NBAS: variants seen among roughly 807,000 people sequenced by gnomAD.
NBAS encodes the protein NBAS subunit of NRZ tethering complex, also known as NAG/BC035112 fusion.
A neutral mutation model predicts 302.5 loss-of-function variants in NBAS; 219 were observed. The observed-to-expected ratio is 0.72, with a 90% CI of 0.65 to 0.81. The LOEUF is 0.81. Ranked by LOEUF, NBAS falls within the 30% of genes least tolerant of loss-of-function variation. The pLI is 0.00. For synonymous variants in NBAS, 1,118 were observed against 1,021.6 expected, an observed-to-expected ratio of 1.09 and a Z score of -1.80; for missense variants, 2,932 against 2,841.6, an observed-to-expected ratio of 1.03 and a Z score of -0.72.
At chr2:15,011,194 G>A in the NBAS span, among the ~76,000 whole-genome samples, 1 of 152,046 alleles carries the variant, frequency 6.6e-6, no homozygotes, top group Non-Finnish European at 1.5e-5. Flanking sequence ...GTTTAGGGTA[G>A]ATAGGATGGG....
chr2:15,113,252 T>C, the NBAS span, among the ~76,000 whole-genome samples: 1 of 151,710 alleles, frequency 6.6e-6, no homozygotes, highest in South Asian at 2.1e-4. Context: ...ATATATAATA[T>C]AAATATGGTT....
the NBAS span, among the ~76,000 whole-genome samples, chr2:15,025,987 C>T: frequency 6.6e-6 from 1 of 152,130 alleles, no homozygotes; most frequent in Non-Finnish European, 1.5e-5. Flanking sequence ...CTGGCCAGGA[C>T]TTGTAATACC....
In NBAS at chr2:15,277,151, A is replaced by C. The variant is rs572177781; in HGVS notation, c.5139-50T>G. On this transcript the variant is annotated intron_variant, in intron 42 of 51. Transcript: ENST00000281513. The stretch of plus-strand genomic sequence containing the variant: ...GTGTTAAGATTTTGTTCCTTTATTA[A>C]AGTGATTTTTTTTTTAACCAAGGAA... 3.2e-6 allele frequency: 5 copies of C among 1,545,780 alleles called. No homozygotes were observed. In the African/African-American group the frequency reaches 1.1e-4, roughly 35 times the overall value.
At chr2:15,477,487 C>T (rs1374719397) in intron 13 of NBAS, among the ~76,000 whole-genome samples, 1 of 152,138 alleles carries the variant, frequency 6.6e-6, no homozygotes, top group Non-Finnish European at 1.5e-5. Context: ...TCTTGAACTC[C>T]CGACCTCGGG....
At chr2:15,072,410 T>G in the NBAS span, among the ~76,000 whole-genome samples, 1 of 152,226 alleles carries the variant, frequency 6.6e-6, no homozygotes, top group Non-Finnish European at 1.5e-5. Flanking sequence ...AGTACATGAC[T>G]CCTTTACCAT....
chr2:15,379,260 G>A (rs1208058317), intron 30 of NBAS, among the ~76,000 whole-genome samples: 1 of 151,002 alleles, frequency 6.6e-6, no homozygotes, highest in Non-Finnish European at 1.5e-5. Context: ...CAAAGTGAAA[G>A]CTACATGAAC....
At chr2:15,284,669 C>G (rs1669963628) in intron 42 of NBAS, among the ~76,000 whole-genome samples, 1 of 152,232 alleles carries the variant, frequency 6.6e-6, no homozygotes, top group Admixed American at 6.5e-5. Context: ...CCCAGTGGCA[C>G]TCACTCAATA....
chr2:15,099,910 GAC>G, the NBAS span, among the ~76,000 whole-genome samples: 1 of 152,188 alleles, frequency 6.6e-6, no homozygotes, highest in African/African-American at 2.4e-5. Flanking sequence ...ACATTTGAAA[GAC>G]ACACACAAAA....
downstream of NBAS, among the ~76,000 whole-genome samples, chr2:15,166,308 G>A (rs181776883): frequency 5.8e-4 from 88 of 152,288 alleles, no homozygotes; most frequent in African/African-American, 2.0e-3. Flanking sequence ...ACCTGCCTAT[G>A]TACGTTTATG....
chr2:15,474,001 A>T, intron 15 of NBAS, 66 bp downstream of exon 15: 2 of 1,594,114 alleles, frequency 1.3e-6, no homozygotes, highest in Non-Finnish European at 1.7e-6. Context: ...TAAAAAATTA[A>T]CTTTTTCTCA....
At chr2:15,391,091 C>G (rs187026846) in intron 28 of NBAS, among the ~76,000 whole-genome samples, 2 of 149,872 alleles carry the variant, frequency 1.3e-5, no homozygotes, top group Non-Finnish European at 3.0e-5. Context: ...GCCTGGGCGA[C>G]AGAGCAAGAT....
At chr2:15,064,031 G>A in the NBAS span, among the ~76,000 whole-genome samples, 1 of 152,234 alleles carries the variant, frequency 6.6e-6, no homozygotes, top group South Asian at 2.1e-4. Flanking sequence ...TTCTGTATAC[G>A]TCTTGCTAGG....
Position 15,488,916 on chromosome 2 carries a change from C to T in NBAS, c.1061G>A (p.Gly354Glu). 6.2e-7 allele frequency: 1 copy of T among 1,613,816 alleles called. No homozygotes were observed. Among genetic ancestry groups the T allele is most frequent in the Middle Eastern group, 1.6e-4 (1 of 6,062 alleles). ...IWAIPSLKQQ[G>E]EWGQNEQPGY... The stretch of plus-strand genomic sequence containing the variant: ...CACCTGCTCATTTTGACCCCATTCC[C>T]CTTGTTGCTTCAGAGATGGAATCGC... The change falls in exon 12 of 52, where the codon GGG becomes GAG. Residue 354 changes from glycine to glutamate, a missense_variant. By Grantham distance (98) the Gly-to-Glu change is moderately conservative. Coordinates refer to ENST00000281513, the MANE Select transcript of NBAS (RefSeq NM_015909.4).
At chr2:15,392,398 T>C (rs1222069073) in intron 28 of NBAS, among the ~76,000 whole-genome samples, 1 of 151,794 alleles carries the variant, frequency 6.6e-6, no homozygotes, top group Non-Finnish European at 1.5e-5. Context: ...GAAAAACTAT[T>C]AGAGCTAATA....
chr2:15,550,024 C>T lies in NBAS; in HGVS notation c.379+1469G>A, dbSNP rs140421644. Among the ~76,000 whole-genome samples, 779 of 152,130 alleles carry T rather than the reference C, an allele frequency of 5.1e-3. 2 individuals are homozygous for T. The highest frequency in any genetic ancestry group is 0.017 in the African/African-American group (691 of 41,506). Reference sequence around the variant, plus strand: ...TTAAAATAATAAAAAGTTAGCCAGGCATGCTGGTGCATGCCTGTGGTCCCA... The same window carrying T: ...TTAAAATAATAAAAAGTTAGCCAGGTATGCTGGTGCATGCCTGTGGTCCCA... On this transcript the variant is annotated intron_variant, in intron 6 of 51. Transcript: ENST00000281513.
the NBAS span, among the ~76,000 whole-genome samples, chr2:14,976,309 A>G: frequency 4.6e-5 from 7 of 152,158 alleles, no homozygotes; most frequent in African/African-American, 1.7e-4. Context: ...TTTGCAGGCC[A>G]TGGTACCATA....
At chr2:15,303,314 A>G (rs1011712967) in intron 40 of NBAS, among the ~76,000 whole-genome samples, 1 of 152,220 alleles carries the variant, frequency 6.6e-6, no homozygotes, top group Non-Finnish European at 1.5e-5. Context: ...GGAGAAAGGA[A>G]TAAAAACCCA....
chr2:15,529,883 T>A (rs1275732828), intron 9 of NBAS, among the ~76,000 whole-genome samples: 4 of 152,240 alleles, frequency 2.6e-5, no homozygotes, highest in African/African-American at 9.6e-5. Context: ...AATTGTAATA[T>A]GTTTATTTTA....
At chr2:15,243,609 A>G (rs1053378658) in intron 44 of NBAS, among the ~76,000 whole-genome samples, 1 of 152,180 alleles carries the variant, frequency 6.6e-6, no homozygotes, top group Admixed American at 6.5e-5. Flanking sequence ...AAATACCGTA[A>G]TCTATGATAT....
Sources: gnomAD v4.1 joint callset for allele counts (sites outside exome capture counted in the v4.1 genomes callset) on GRCh38, gnomAD v4.1.1 for gene constraint, MANE v1.5 for transcripts, NCBI Gene and HGNC (gene_info 2026-07-23, HGNC 2026-07-21) for gene names.